EML5: variants seen among roughly 807,000 people sequenced by gnomAD.
EML5 encodes the protein EMAP like 5, also known as echinoderm microtubule-associated protein-like 5.
EML5 carries 120 observed loss-of-function variants against 250.0 expected under a neutral mutation model. That is an observed-to-expected ratio of 0.48 (90% CI 0.41 to 0.56). The LOEUF is 0.56. EML5 is among the 20% of genes least tolerant of loss of function. The pLI is 0.00. For missense variants in EML5, 2,006 were observed against 2,437.6 expected (o/e 0.82, Z 3.73); for synonymous variants, 771 against 806.5 (o/e 0.96, Z 0.75).
At chr14:88,664,251 T>G (rs1414528243) in intron 23 of EML5, among the ~76,000 whole-genome samples, 1 of 137,286 alleles carries the variant, frequency 7.3e-6, no homozygotes, top group Non-Finnish European at 1.5e-5. Context: ...CATTCCAGCC[T>G]GGGTGACAGA....
At chr14:88,763,434 A>C (rs928785709) in intron 1 of EML5, among the ~76,000 whole-genome samples, 5 of 151,698 alleles carry the variant, frequency 3.3e-5, no homozygotes, top group Admixed American at 2.0e-4. Flanking sequence ...AGACACACAC[A>C]CCCCCCCAAG....
At chr14:88,662,450 C>T (rs2092149168) in intron 24 of EML5, among the ~76,000 whole-genome samples, 1 of 140,754 alleles carries the variant, frequency 7.1e-6, no homozygotes, top group African/African-American at 2.6e-5. Flanking sequence ...ATACTCCAAT[C>T]TTAGATGGCA....
chr14:88,632,820 C>T (rs2090513233), intron 33 of EML5, among the ~76,000 whole-genome samples: 1 of 152,178 alleles, frequency 6.6e-6, no homozygotes, highest in African/African-American at 2.4e-5. Flanking sequence ...TGTGACCAAC[C>T]CCCAATAAAA....
chr14:88,768,690 G>A (rs2094352141), intron 1 of EML5, among the ~76,000 whole-genome samples: 1 of 152,162 alleles, frequency 6.6e-6, no homozygotes, highest in Admixed American at 6.5e-5. Context: ...GGGATTACAG[G>A]CGTGAGACAT....
intron 21 of EML5, among the ~76,000 whole-genome samples, chr14:88,671,242 A>AG (rs554889688): frequency 1.3e-5 from 2 of 152,210 alleles, no homozygotes; most frequent in Admixed American, 1.3e-4. Flanking sequence ...AGGAGACACT[A>AG]GGGGCCAATA....
intron 17 of EML5, among the ~76,000 whole-genome samples, chr14:88,692,112 T>C (rs1261934611): frequency 6.6e-6 from 1 of 152,094 alleles, no homozygotes; most frequent in Non-Finnish European, 1.5e-5. Flanking sequence ...CGGTGGCTCA[T>C]GTCTGTAATC....
chr14:88,639,257 T>TG (rs1244357370), intron 31 of EML5, among the ~76,000 whole-genome samples: 1 of 152,124 alleles, frequency 6.6e-6, no homozygotes, highest in African/African-American at 2.4e-5. Flanking sequence ...TAAAAGTCAG[T>TG]GGGGAAGGGC....
intron 1 of EML5, among the ~76,000 whole-genome samples, chr14:88,781,127 A>G (rs2094493751): frequency 6.6e-6 from 1 of 152,218 alleles, no homozygotes; most frequent in Non-Finnish European, 1.5e-5. Flanking sequence ...GCTCCTCTAT[A>G]TCACCCTGTG....
chr14:88,764,320 G>C (rs769951971), intron 1 of EML5, among the ~76,000 whole-genome samples: 1 of 152,062 alleles, frequency 6.6e-6, no homozygotes, highest in African/African-American at 2.4e-5. Context: ...GTGTGGAATT[G>C]GAATCATTTA....
rs547742025 is a variant in EML5, at chr14:88,783,632, C to T, written c.197+8675G>A. The stretch of plus-strand genomic sequence containing the variant: ...AAGATATAACAATTTTAAATATATA[C>T]GCACCCAACACTAGAGCACTTAGAT... On this transcript the variant is annotated intron_variant, in intron 1 of 43. Transcript: ENST00000554922. 6.6e-5 allele frequency among the ~76,000 whole-genome samples: 10 copies of T among 152,220 alleles called. No individual in the cohort carries two copies. In the East Asian group the frequency reaches 9.6e-4, roughly 15 times the overall value.
chr14:88,715,863 C>T (rs1946760871), intron 8 of EML5, among the ~76,000 whole-genome samples: 1 of 152,002 alleles, frequency 6.6e-6, no homozygotes, highest in South Asian at 2.1e-4. Flanking sequence ...ACACACATTC[C>T]TCCCTTAGGG....
intron 1 of EML5, among the ~76,000 whole-genome samples, chr14:88,780,794 C>A (rs754115992): frequency 6.6e-6 from 1 of 152,114 alleles, no homozygotes; most frequent in Admixed American, 6.5e-5. Flanking sequence ...AGAATGGTCT[C>A]GATCTCTTGA....
chr14:88,638,946 A>G lies in EML5; in HGVS notation c.4238-39T>C, dbSNP rs1351887576. On this transcript the variant is annotated intron_variant, in intron 31 of 43. Transcript: ENST00000554922. ...TTTGAGAATTAAGTTTGAAAATTTTAAGATGTAACAGCCAAAAGCACTTAC... is the reference window on the plus strand; with the variant it reads ...TTTGAGAATTAAGTTTGAAAATTTTGAGATGTAACAGCCAAAAGCACTTAC... 3 of 1,447,214 alleles carry G rather than the reference A, an allele frequency of 2.1e-6. No individual in the cohort carries two copies. The East Asian group carries it at 7.4e-5, about 36-fold the overall frequency. 89.6% of individuals were successfully genotyped at this position (1,447,214 alleles called of 1,614,324 possible).
intron 14 of EML5, among the ~76,000 whole-genome samples, chr14:88,702,146 A>G (rs898518748): frequency 6.6e-6 from 1 of 152,130 alleles, no homozygotes; most frequent in African/African-American, 2.4e-5. Flanking sequence ...CCAGATTTCT[A>G]GTCTTTATGT....
chr14:88,644,718 TTA>T, intron 29 of EML5: 1 of 458,316 alleles, frequency 2.2e-6, no homozygotes, highest in Non-Finnish European at 3.9e-6. Flanking sequence ...TCATTTTATT[TTA>T]TTTTTTTTGA....
intron 28 of EML5, 108 bp from the exon 29 acceptor site, chr14:88,647,063 C>A: frequency 1.9e-6 from 2 of 1,039,820 alleles, no homozygotes; most frequent in Non-Finnish European, 2.8e-6. Context: ...TTAATGCAGA[C>A]AGCTATATTG....
chr14:88,747,490 T>C (rs1406134082), intron 2 of EML5, among the ~76,000 whole-genome samples: 2 of 151,712 alleles, frequency 1.3e-5, no homozygotes, highest in East Asian at 3.9e-4. Context: ...TAAGAAACCA[T>C]GAGTGAGAAT....
intron 8 of EML5, among the ~76,000 whole-genome samples, chr14:88,717,667 A>T (rs951964478): frequency 6.6e-6 from 1 of 152,172 alleles, no homozygotes; most frequent in Non-Finnish European, 1.5e-5. Flanking sequence ...AGGCAGGAAA[A>T]TCACTTGAAC....
chr14:88,717,543 G>A (rs143908352), intron 8 of EML5, among the ~76,000 whole-genome samples: 35 of 152,244 alleles, frequency 2.3e-4, no homozygotes, highest in African/African-American at 7.9e-4. Context: ...CAGATCACAA[G>A]ATCAGAGAGA....
Sources: gnomAD v4.1 joint callset for allele counts (sites outside exome capture counted in the v4.1 genomes callset) on GRCh38, gnomAD v4.1.1 for gene constraint, MANE v1.5 for transcripts, NCBI Gene and HGNC (gene_info 2026-07-23, HGNC 2026-07-21) for gene names.